TRIM68: variants seen among roughly 807,000 people sequenced by gnomAD.
TRIM68 encodes E3 ubiquitin-protein ligase TRIM68.
In TRIM68, 36 loss-of-function variants were observed where a neutral mutation model predicts 41.9. The ratio of observed to expected loss-of-function variants is 0.86; its 90% confidence interval spans 0.66 to 1.14. The LOEUF is 1.14. Among genes scored for constraint, TRIM68 ranks in the 50% most tolerant of loss-of-function variants. The probability of loss-of-function intolerance (pLI) is 0.00; values close to 1 mark genes in which losing one functional copy is unlikely to be tolerated. For missense variants in TRIM68, 632 were observed against 605.1 expected (o/e 1.04, Z -0.47); for synonymous variants, 225 against 224.6 (o/e 1.00, Z -0.02).
chr11:4,606,605 A>C (rs1252814041), intron 1 of TRIM68, among the ~76,000 whole-genome samples: 1 of 152,244 alleles, frequency 6.6e-6, no homozygotes, highest in Non-Finnish European at 1.5e-5. Flanking sequence ...GCATACATTA[A>C]TAATAAAAGC....
At position 4,605,205 on chromosome 11, in the gene TRIM68, G is replaced by A; in HGVS notation, c.300C>T (p.Arg100=). Residue 100 remains arginine, a synonymous_variant, in exon 2 of 7, where the codon CGC becomes CGT. Coordinates refer to ENST00000300747, the MANE Select transcript of TRIM68 (RefSeq NM_018073.8). ...GMGLKGDLCE[R]HGEKLKMFCK... The stretch of plus-strand genomic sequence containing the variant: ...AGAACATCTTCAGCTTTTCCCCATG[G>A]CGCTCACACAGGTCACCCTTCAGCC... 6.2e-7 allele frequency: 1 copy of A among 1,614,202 alleles called. No individual in the cohort carries two copies. Among genetic ancestry groups the A allele is most frequent in the Non-Finnish European group, 8.5e-7 (1 of 1,180,036 alleles).
chr11:4,600,347 T>C lies in TRIM68; in HGVS notation c.1387A>G (p.Ser463Gly). Residue 463 changes from serine to glycine, a missense_variant, in exon 7 of 7, where the codon AGT becomes GGT. Coordinates refer to ENST00000300747, the MANE Select transcript of TRIM68 (RefSeq NM_018073.8). Reference protein sequence around the residue: ...PFPGRLLPYFSPCYSIGTNNT... With the variant: ...PFPGRLLPYFGPCYSIGTNNT... ...TTGGTTCCAATGCTGTAGCAAGGAC[T>C]AAAATAGGGCAGGAGGCGCCCAGGG... The C allele has an allele frequency of 6.2e-7, 1 of 1,613,090 alleles. No individual in the cohort carries two copies. Among genetic ancestry groups the C allele is most frequent in the Non-Finnish European group, 8.5e-7 (1 of 1,179,588 alleles).
intron 5 of TRIM68, 172 bp downstream of exon 5, chr11:4,601,492 G>A: frequency 1.5e-6 from 1 of 659,104 alleles, no homozygotes; most frequent in South Asian, 1.9e-5. Flanking sequence ...AGAAGAAAAA[G>A]GAAAGATCAA....
Position 4,600,577 on chromosome 11 carries a change from T to C in TRIM68, c.1157A>G (p.Tyr386Cys), listed in dbSNP as rs372144915. 9.0e-5 allele frequency: 146 copies of C among 1,613,940 alleles called. No homozygotes were observed. Among genetic ancestry groups the C allele is most frequent in the Non-Finnish European group, 1.1e-4 (135 of 1,180,022 alleles). Residue 386 changes from tyrosine (Y) to cysteine (C), a missense_variant, in exon 7 of 7, where the codon TAC becomes TGC. Physicochemically the swap from Tyr to Cys is radical, Grantham distance 194. Transcript: ENST00000300747. The stretch of plus-strand genomic sequence containing the variant: ...CCAGAATCCATAGTGGGGGGATAAG[T>C]AGACCACCTCCTTCCGGTCTACATT... Reference protein sequence around the residue: ...KQNVDRKEVVYLSPHYGFWVI... With the variant: ...KQNVDRKEVVCLSPHYGFWVI...
At position 4,603,291 on chromosome 11, in the gene TRIM68, G is replaced by A. The variant is rs1268979445; in HGVS notation, c.476C>T (p.Ala159Val). 1 of 1,614,076 alleles carries A rather than the reference G, an allele frequency of 6.2e-7. No homozygotes were observed. The highest frequency in any genetic ancestry group is 8.5e-7 in the Non-Finnish European group (1 of 1,180,046). ...LEHLKKEQEE[A>V]WKLEVGERKR... ...CCTTTCACCAACTTCAAGCTTCCAG[G>A]CCTCTTCTTGCTCTTTCTTCAGATG... Residue 159 changes from alanine (A) to valine (V), a missense_variant, in exon 3 of 7, where the codon GCC becomes GTC. Transcript: ENST00000300747.
chr11:4,599,960 T>C lies in TRIM68; in HGVS notation c.*316A>G. 8.2e-6 allele frequency: 2 copies of C among 243,424 alleles called. No homozygotes were observed. Among genetic ancestry groups the C allele is most frequent in the Admixed American group, 5.1e-5 (1 of 19,762 alleles). 15.1% of individuals were successfully genotyped at this position (243,424 alleles called of 1,614,324 possible). On this transcript the variant is annotated 3_prime_UTR_variant, in exon 7 of 7. Transcript: ENST00000300747. The stretch of plus-strand genomic sequence containing the variant: ...ACCGGACGGGAATCAGGGAAGAGGG[T>C]GGTTGGCTACTACATGGACAAAGTC...
chr11:4,600,182 C>G lies in TRIM68; in HGVS notation c.*94G>C. The G allele has an allele frequency of 7.8e-7, 1 of 1,286,520 alleles. No individual in the cohort carries two copies. The highest frequency in any genetic ancestry group is 2.4e-5 in the East Asian group (1 of 42,108). 79.7% of individuals were successfully genotyped at this position (1,286,520 alleles called of 1,614,324 possible). On this transcript the variant is annotated 3_prime_UTR_variant, in exon 7 of 7. Coordinates refer to ENST00000300747, the MANE Select transcript of TRIM68 (RefSeq NM_018073.8). Reference sequence around the variant, plus strand: ...GAATCCTTGGATACTGGGCTCAGCTCAGTTTCAGGGGATACCTGTCAGTGG... The same window carrying G: ...GAATCCTTGGATACTGGGCTCAGCTGAGTTTCAGGGGATACCTGTCAGTGG...
In TRIM68 at chr11:4,605,964, C is replaced by A. The variant is rs569222594; in HGVS notation, c.-57-403G>T. ...GAAGTAAGGCCATAAATACCTCCAG[C>A]CTCACTCTCTGGTATGTTTATATTT... On this transcript the variant is annotated intron_variant, in intron 1 of 6. Coordinates refer to ENST00000300747, the MANE Select transcript of TRIM68 (RefSeq NM_018073.8). Among the ~76,000 whole-genome samples the A allele has an allele frequency of 1.2e-3, 185 of 152,298 alleles. 3 individuals carry two copies. In the Middle Eastern group the frequency reaches 0.02, roughly 17 times the overall value.
intron 4 of TRIM68, 29 bp downstream of exon 4, chr11:4,602,123 C>G (rs760205496): frequency 3.1e-6 from 5 of 1,613,674 alleles, no homozygotes; most frequent in Non-Finnish European, 2.5e-6. Flanking sequence ...AGCTGTCACT[C>G]AGGGTTACCA....
chr11:4,603,020 G>A (rs911839051), intron 3 of TRIM68, among the ~76,000 whole-genome samples: 2 of 152,198 alleles, frequency 1.3e-5, no homozygotes, highest in African/African-American at 4.8e-5. Flanking sequence ...CATATAGGAG[G>A]ATACAAGACC....
intron 5 of TRIM68, 156 bp downstream of exon 5, chr11:4,601,508 A>G (rs955513540): frequency 5.7e-6 from 4 of 706,174 alleles, no homozygotes; most frequent in Admixed American, 5.3e-5. Flanking sequence ...ATCAACAAAG[A>G]TTCCTTAGCC....
intron 1 of TRIM68, among the ~76,000 whole-genome samples, chr11:4,606,405 G>A (rs74052463): frequency 0.049 from 7,435 of 152,264 alleles, 193 homozygotes; most frequent in Non-Finnish European, 0.061. Context: ...TTGCTAGTTT[G>A]TGTTACCAGC....
Position 4,600,483 on chromosome 11 carries a change from C to T in TRIM68, c.1251G>A (p.Pro417=), listed in dbSNP as rs760798555. The change falls in exon 7 of 7, where the codon CCG becomes CCA. Residue 417 remains proline, a synonymous_variant. Coordinates refer to ENST00000300747, the MANE Select transcript of TRIM68 (RefSeq NM_018073.8). The part of the protein sequence containing the change: ...GTDEYPILSL[P]VPPRRVGIFV... ...AGATTCCCACCCGGCGAGGAGGGAC[C>T]GGCAAGGACAGGATTGGGTACTCAT... 14 of 1,613,162 alleles carry T rather than the reference C, an allele frequency of 8.7e-6. No individual in the cohort carries two copies. The East Asian group carries it at 1.1e-4, about 13-fold the overall frequency.
chr11:4,602,095 G>T (rs1399533930), intron 4 of TRIM68, 57 bp downstream of exon 4: 2 of 1,610,158 alleles, frequency 1.2e-6, no homozygotes, highest in South Asian at 2.2e-5. Flanking sequence ...CTCTCTCCTG[G>T]AGTCTCAGTC....
Position 4,600,250 on chromosome 11 carries a change from C to G in TRIM68, c.*26G>C. The G allele has an allele frequency of 6.5e-7, 1 of 1,536,404 alleles. No individual in the cohort carries two copies. Among genetic ancestry groups the G allele is most frequent in the Non-Finnish European group, 8.7e-7 (1 of 1,143,498 alleles). On this transcript the variant is annotated 3_prime_UTR_variant, in exon 7 of 7. Coordinates refer to ENST00000300747, the MANE Select transcript of TRIM68 (RefSeq NM_018073.8). ...CATGGGGGCCAGGCCCAATTCCAAGCCTCTCTGGTTAGGGTGGTAGCTTTC... is the reference window on the plus strand; with the variant it reads ...CATGGGGGCCAGGCCCAATTCCAAGGCTCTCTGGTTAGGGTGGTAGCTTTC...
In TRIM68 at chr11:4,603,238, A is replaced by C; in HGVS notation, c.522+7T>G. On this transcript the variant is annotated splice_region_variant and intron_variant, in intron 3 of 6. Transcript: ENST00000300747. ...ACACAAACTCCTTTCCCCACGAGGCAACCTGCCTTCCAGGTGGCAGTTCGT... is the reference window on the plus strand; with the variant it reads ...ACACAAACTCCTTTCCCCACGAGGCCACCTGCCTTCCAGGTGGCAGTTCGT... 6.2e-7 allele frequency: 1 copy of C among 1,613,982 alleles called. No homozygotes were observed. Among genetic ancestry groups the C allele is most frequent in the Non-Finnish European group, 8.5e-7 (1 of 1,179,786 alleles).
Position 4,600,646 on chromosome 11 carries a change from T to C in TRIM68, c.1088A>G (p.Glu363Gly). Reference sequence around the variant, plus strand: ...GCCCCACTCAGACCTGTCTCCCACCTCCACCTCCCAGTAGTGCCGGCCTGA... The same window carrying C: ...GCCCCACTCAGACCTGTCTCCCACCCCCACCTCCCAGTAGTGCCGGCCTGA... ...ISSGRHYWEV[E>G]VGDRSEWGLG... Residue 363 changes from glutamate to glycine, a missense_variant, in exon 7 of 7, where the codon GAG becomes GGG. Coordinates refer to ENST00000300747, the MANE Select transcript of TRIM68 (RefSeq NM_018073.8). 1 of 1,614,094 alleles carries C rather than the reference T, an allele frequency of 6.2e-7. No homozygotes were observed.
At position 4,600,011 on chromosome 11, in the gene TRIM68, T is replaced by A. The variant is rs982337222; in HGVS notation, c.*265A>T. On this transcript the variant is annotated 3_prime_UTR_variant, in exon 7 of 7. Transcript: ENST00000300747. ...CTGATCCTTACCCCAACGAGTCACCTTAGAACTGCTCTGATCCTCACCATC... is the reference window on the plus strand; with the variant it reads ...CTGATCCTTACCCCAACGAGTCACCATAGAACTGCTCTGATCCTCACCATC... 1 of 402,226 alleles carries A rather than the reference T, an allele frequency of 2.5e-6. No homozygotes were observed. Among genetic ancestry groups the A allele is most frequent in the African/African-American group, 2.0e-5 (1 of 50,686 alleles). The allele number at this position is 402,226 out of a possible 1,614,324, so 24.9% of individuals were successfully genotyped here.
At chr11:4,602,859 AT>A (rs1195268352) in intron 3 of TRIM68, among the ~76,000 whole-genome samples, 1 of 152,194 alleles carries the variant, frequency 6.6e-6, no homozygotes, top group Non-Finnish European at 1.5e-5. Flanking sequence ...CCTCAAATTT[AT>A]TTCAGAGGTG....
Sources: allele counts gnomAD v4.1 joint callset (sites outside exome capture counted in the v4.1 genomes callset), GRCh38; gene constraint gnomAD v4.1.1; transcripts MANE v1.5; gene names NCBI Gene and HGNC (gene_info 2026-07-23, HGNC 2026-07-21).